The following SUOX variants were observed in gnomAD, a reference collection of about 807,000 sequenced individuals.
The protein encoded by SUOX is sulfite oxidase, also known as sulfite oxidase, mitochondrial.
SUOX carries 39 observed loss-of-function variants against 41.9 expected under a neutral mutation model. The observed-to-expected ratio is 0.93, with a 90% CI of 0.72 to 1.21. The LOEUF is 1.21. Ranked by LOEUF, SUOX falls within the 50% of genes most tolerant of loss-of-function variation. SUOX has a pLI of 0.00. For synonymous variants in SUOX, 220 were observed against 268.4 expected (o/e 0.82, Z 1.76); for missense variants, 633 against 689.5 (o/e 0.92, Z 0.92).
Position 56,005,142 on chromosome 12 carries a change from C to A in SUOX, c.*115C>A. On this transcript the variant is annotated 3_prime_UTR_variant, in exon 5 of 5. Transcript: ENST00000266971. The stretch of plus-strand genomic sequence containing the variant: ...ACAACTCTGGCCTTCCTAAGCCATA[C>A]CCAAGTACACATATAGCACATTTCA... 8.5e-7 allele frequency: 1 copy of A among 1,179,070 alleles called. No individual in the cohort carries two copies. Among genetic ancestry groups the A allele is most frequent in the Non-Finnish European group, 1.2e-6 (1 of 806,956 alleles). 73.0% of individuals were successfully genotyped at this position (1,179,070 alleles called of 1,614,324 possible).
intron 4 of SUOX, 163 bp downstream of exon 4, chr12:56,002,883 C>T (rs1166890636): frequency 1.4e-6 from 1 of 716,926 alleles, no homozygotes; most frequent in African/African-American, 1.8e-5. Context: ...AAAAATTAGC[C>T]AGGTGTGGTG....
intron 3 of SUOX, 29 bp from the exon 4 acceptor site, chr12:56,002,514 C>T (rs376576648): frequency 1.1e-4 from 170 of 1,613,588 alleles, no homozygotes; most frequent in Middle Eastern, 4.9e-4. Context: ...CATGACCATA[C>T]GTGCTACTAA....
In SUOX at chr12:56,005,335, G is replaced by A; in HGVS notation, c.*308G>A. The A allele has an allele frequency of 1.7e-6, 1 of 590,038 alleles. No individual in the cohort carries two copies. Among genetic ancestry groups the A allele is most frequent in the Non-Finnish European group, 3.0e-6 (1 of 332,398 alleles). 36.6% of individuals were successfully genotyped at this position (590,038 alleles called of 1,614,324 possible). A position where few individuals can be genotyped will look rare whatever the true frequency, so the allele number is the denominator to read the frequency against. The stretch of plus-strand genomic sequence containing the variant: ...CCCACCTCCATTTCTAATGCCTACT[G>A]CCATCAAGGCCTTGTTTTGCTTTTC... On this transcript the variant is annotated 3_prime_UTR_variant, in exon 5 of 5. Transcript: ENST00000266971.
Position 56,004,465 on chromosome 12 carries a change from G to A in SUOX, c.1076G>A (p.Arg359His), listed in dbSNP as rs376379506. 1.5e-5 allele frequency: 25 copies of A among 1,614,066 alleles called. No homozygotes were observed. The highest frequency in any genetic ancestry group is 5.0e-5 in the Admixed American group (3 of 60,008). The change falls in exon 5 of 5, where the codon CGT becomes CAT. Residue 359 changes from arginine (R) to histidine (H), a missense_variant. Transcript: ENST00000266971. The surrounding 1 kb of genome is among the most constrained non-coding windows in gnomAD (Gnocchi z 4.5). ...AYEMNGQPLP[R>H]DHGFPVRVVV... ...GAGATGAATGGGCAGCCTCTGCCAC[G>A]TGACCACGGCTTCCCTGTGCGTGTG...
At position 56,004,750 on chromosome 12, in the gene SUOX, G is replaced by A; in HGVS notation, c.1361G>A (p.Gly454Asp). ...AAGGGCTATGCATGGAGTGGTGGTG[G>A]CAGGGCTGTGATCCGGGTGGATGTG... The part of the protein sequence containing the change: ...TIKGYAWSGG[G>D]RAVIRVDVSL... Residue 454 changes from glycine to aspartate, a missense_variant, in exon 5 of 5, where the codon GGC (glycine) becomes GAC (aspartate). Coordinates refer to ENST00000266971, the MANE Select transcript of SUOX (RefSeq NM_001032386.2). The surrounding 1 kb of genome is among the most constrained non-coding windows in gnomAD (Gnocchi z 4.5). The A allele has an allele frequency of 6.2e-7, 1 of 1,614,132 alleles. No individual in the cohort carries two copies. The highest frequency in any genetic ancestry group is 8.5e-7 in the Non-Finnish European group (1 of 1,179,994).
chr12:55,998,763 C>A (rs1890402827), intron 2 of SUOX, among the ~76,000 whole-genome samples: 1 of 151,594 alleles, frequency 6.6e-6, no homozygotes, highest in African/African-American at 2.4e-5. Context: ...GAGGTTGAAG[C>A]TTCAGTGAGC....
chr12:56,005,169 C>A lies in SUOX; in HGVS notation c.*142C>A. ...CAAGTACACATATAGCACATTTCAC[C>A]CAAGGACCTTCCCTCTTTGGACACT... is the stretch of plus-strand genomic sequence containing the variant. On this transcript the variant is annotated 3_prime_UTR_variant, in exon 5 of 5. Transcript: ENST00000266971. 1 of 922,980 alleles carries A rather than the reference C, an allele frequency of 1.1e-6. No individual in the cohort carries two copies. Among genetic ancestry groups the A allele is most frequent in the South Asian group, 1.4e-5 (1 of 70,964 alleles). 57.2% of individuals were successfully genotyped at this position (922,980 alleles called of 1,614,324 possible). A position where few individuals can be genotyped will look rare whatever the true frequency, so the allele number is the denominator to read the frequency against.
rs563474134 is a variant in SUOX, at chr12:56,005,154, T to C, written c.*127T>C. 30 of 1,056,774 alleles carry C rather than the reference T, an allele frequency of 2.8e-5. No homozygotes were observed. In the African/African-American group the frequency reaches 4.4e-4, roughly 15 times the overall value. The allele number at this position is 1,056,774 out of a possible 1,614,324, so 65.5% of individuals were successfully genotyped here. A position where few individuals can be genotyped will look rare whatever the true frequency, so the allele number is the denominator to read the frequency against. On this transcript the variant is annotated 3_prime_UTR_variant, in exon 5 of 5. Coordinates refer to ENST00000266971, the MANE Select transcript of SUOX (RefSeq NM_001032386.2). Reference sequence around the variant, plus strand: ...TTCCTAAGCCATACCCAAGTACACATATAGCACATTTCACCCAAGGACCTT... The same window carrying C: ...TTCCTAAGCCATACCCAAGTACACACATAGCACATTTCACCCAAGGACCTT...
chr12:56,003,071 C>A, intron 4 of SUOX: 1 of 315,258 alleles, frequency 3.2e-6, no homozygotes, highest in Non-Finnish European at 6.2e-6. Context: ...AGGAATCAGT[C>A]CTAGTAAACT....
intron 4 of SUOX, among the ~76,000 whole-genome samples, 185 bp from the exon 5 acceptor site, chr12:56,003,433 G>C (rs994637485): frequency 6.6e-6 from 1 of 151,978 alleles, no homozygotes; most frequent in Admixed American, 6.5e-5. Flanking sequence ...AGCTAATTTT[G>C]TATTTTTAGT....
chr12:56,000,131 C>G (rs961225582), intron 2 of SUOX, among the ~76,000 whole-genome samples: 1 of 152,226 alleles, frequency 6.6e-6, no homozygotes, highest in Non-Finnish European at 1.5e-5. Context: ...CTGCCAGTCT[C>G]GGTGCCATGC....
intron 2 of SUOX, among the ~76,000 whole-genome samples, chr12:56,000,887 C>T (rs1286420898): frequency 6.7e-6 from 1 of 149,314 alleles, no homozygotes; most frequent in Non-Finnish European, 1.5e-5. Flanking sequence ...CCTGGGTTCA[C>T]GCCATTCTCC....
intron 2 of SUOX, chr12:56,001,244 C>A (rs1324944631): frequency 1.3e-5 from 2 of 150,464 alleles, no homozygotes; most frequent in Non-Finnish European, 2.9e-5. Flanking sequence ...CCTGCCTCAG[C>A]CTCCCGAGTA....
At position 56,004,795 on chromosome 12, in the gene SUOX, C is replaced by T. The variant is rs1402329173; in HGVS notation, c.1406C>T (p.Thr469Ile). The T allele has an allele frequency of 5.0e-6, 8 of 1,614,080 alleles. No homozygotes were observed. The South Asian group carries it at 8.8e-5, about 18-fold the overall frequency. ...RVDVSLDGGL[T>I]WQVAKLDGEE... ...GATGTGTCTCTGGATGGGGGCCTAA[C>T]CTGGCAGGTGGCTAAGCTGGATGGA... is the stretch of plus-strand genomic sequence containing the variant. The change falls in exon 5 of 5, where the codon ACC (threonine) becomes ATC (isoleucine). Residue 469 changes from threonine (T) to isoleucine (I), a missense_variant. Coordinates refer to ENST00000266971, the MANE Select transcript of SUOX (RefSeq NM_001032386.2). The surrounding 1 kb of genome is among the most constrained non-coding windows in gnomAD (Gnocchi z 4.5).
Position 56,005,193 on chromosome 12 carries a change from C to A in SUOX, c.*166C>A. 1.3e-6 allele frequency: 1 copy of A among 754,346 alleles called. No homozygotes were observed. The highest frequency in any genetic ancestry group is 2.2e-6 in the Non-Finnish European group (1 of 448,754). The allele number at this position is 754,346 out of a possible 1,614,324, so 46.7% of individuals were successfully genotyped here. A position where few individuals can be genotyped will look rare whatever the true frequency, so the allele number is the denominator to read the frequency against. Reference sequence around the variant, plus strand: ...CCCAAGGACCTTCCCTCTTTGGACACTATGTTACATACCCCTCTTGGCCTT... The same window carrying A: ...CCCAAGGACCTTCCCTCTTTGGACAATATGTTACATACCCCTCTTGGCCTT... On this transcript the variant is annotated 3_prime_UTR_variant, in exon 5 of 5. Coordinates refer to ENST00000266971, the MANE Select transcript of SUOX (RefSeq NM_001032386.2).
In SUOX at chr12:56,003,967, C is replaced by A. The variant is rs1890633870; in HGVS notation, c.578C>A (p.Pro193His). ...GCCCTGAAGGTCAACAGCCAGCGGC[C>A]CTTTAATGCAGAGCCTCCCCCTGAG... ...HPALKVNSQR[P>H]FNAEPPPELL... The change falls in exon 5 of 5, where the codon CCC (proline) becomes CAC (histidine). Residue 193 changes from proline to histidine, a missense_variant. By Grantham distance (77) the Pro-to-His change is moderately conservative. Coordinates refer to ENST00000266971, the MANE Select transcript of SUOX (RefSeq NM_001032386.2). The A allele has an allele frequency of 6.2e-7, 1 of 1,614,162 alleles. No individual in the cohort carries two copies.
intron 3 of SUOX, 92 bp downstream of exon 3, chr12:56,002,363 G>A: frequency 2.0e-6 from 3 of 1,519,584 alleles, no homozygotes; most frequent in South Asian, 2.3e-5. Flanking sequence ...TAAGACAGTT[G>A]AGAGAGTGTG....
In SUOX at chr12:56,002,697, G is replaced by A; in HGVS notation, c.205G>A (p.Ala69Thr). The change falls in exon 4 of 5, where the codon GCC (alanine) becomes ACC (threonine). Residue 69 changes from alanine (A) to threonine (T), a missense_variant. By Grantham distance (58) the Ala-to-Thr change is moderately conservative. Coordinates refer to ENST00000266971, the MANE Select transcript of SUOX (RefSeq NM_001032386.2). ...CCTATTAGGTCTCGGTGCAGTGTTG[G>A]CCTATCAGGACCATCGGTGTAGGGT... ...GTLLGLGAVL[A>T]YQDHRCRAAQ... is the part of the protein sequence containing the mutation. The A allele has an allele frequency of 6.2e-7, 1 of 1,614,086 alleles. No individual in the cohort carries two copies. The highest frequency in any genetic ancestry group is 8.5e-7 in the Non-Finnish European group (1 of 1,180,024).
Position 56,003,618 on chromosome 12 carries a change from G to A in SUOX, c.229G>A (p.Ala77Thr), listed in dbSNP as rs1890612481. Residue 77 changes from alanine to threonine, a missense_variant and splice_region_variant, in exon 5 of 5, where the codon GCT (alanine) becomes ACT (threonine). Ala to Thr is a moderately conservative substitution (Grantham distance 58). Coordinates refer to ENST00000266971, the MANE Select transcript of SUOX (RefSeq NM_001032386.2). ...TATCTTACTCCTTCCCTGCCAATAG[G>A]CTGCTCAGGAGTCAACACACATATA... ...VLAYQDHRCR[A>T]AQESTHIYTK... 1 of 1,613,886 alleles carries A rather than the reference G, an allele frequency of 6.2e-7. No homozygotes were observed. Among genetic ancestry groups the A allele is most frequent in the African/African-American group, 1.3e-5 (1 of 74,916 alleles).
Sources: gnomAD v4.1 joint callset for allele counts (sites outside exome capture counted in the v4.1 genomes callset) on GRCh38, gnomAD v4.1.1 for gene constraint, Gnocchi (gnomAD v3.1) non-coding constraint, MANE v1.5 for transcripts, NCBI Gene and HGNC (gene_info 2026-07-23, HGNC 2026-07-21) for gene names.